ITPRID2: variants seen among roughly 807,000 people sequenced by gnomAD.
The protein encoded by ITPRID2 is ITPR interacting domain containing 2.
In ITPRID2, 60 loss-of-function variants were observed where a neutral mutation model predicts 124.3. That is an observed-to-expected ratio of 0.48 (90% CI 0.39 to 0.60). ITPRID2 has a LOEUF of 0.60. Among genes scored for constraint, ITPRID2 ranks in the 20% least tolerant of loss-of-function variants. ITPRID2 has a pLI of 0.00. For synonymous variants in ITPRID2, 521 were observed against 542.9 expected, an observed-to-expected ratio of 0.96 and a Z score of 0.56; for missense variants, 1,553 against 1,512.2, an observed-to-expected ratio of 1.03 and a Z score of -0.45.
chr2:181,900,330 TA>T (rs1453631339), intron 6 of ITPRID2, among the ~76,000 whole-genome samples: 5 of 152,222 alleles, frequency 3.3e-5, no homozygotes, highest in African/African-American at 1.2e-4. Flanking sequence ...ATTTCTGCTT[TA>T]ATCTGTTCAT....
chr2:181,927,212 T>C (rs1694928150), intron 16 of ITPRID2, among the ~76,000 whole-genome samples: 9 of 152,204 alleles, frequency 5.9e-5, no homozygotes, highest in Admixed American at 5.9e-4. Context: ...CTTAGGAACA[T>C]TGTAGGAAAT....
rs1029024198 is a variant in ITPRID2, at chr2:181,922,425, T to G, written c.3675+13T>G. The G allele has an allele frequency of 1.9e-6, 3 of 1,582,268 alleles. No homozygotes were observed. The highest frequency in any genetic ancestry group is 2.6e-6 in the Non-Finnish European group (3 of 1,163,372). On this transcript the variant is annotated intron_variant, in intron 16 of 17. Coordinates refer to ENST00000431877, the MANE Select transcript of ITPRID2 (RefSeq NM_001130445.3). The stretch of plus-strand genomic sequence containing the variant: ...AGTCATACGGGAGGTGGGTAAAATC[T>G]GTGTTTCATTCATTTATTTGGAGGT...
intron 16 of ITPRID2, among the ~76,000 whole-genome samples, chr2:181,927,126 G>T (rs2125117306): frequency 6.6e-6 from 1 of 152,264 alleles, no homozygotes; most frequent in East Asian, 1.9e-4. Flanking sequence ...TCTATGTATT[G>T]TGTACCAATT....
Position 181,910,119 on chromosome 2 carries a change from T to C in ITPRID2, c.1486+148T>C. The C allele has an allele frequency of 1.7e-6, 1 of 572,766 alleles. No individual in the cohort carries two copies. The highest frequency in any genetic ancestry group is 3.0e-6 in the Non-Finnish European group (1 of 336,880). 35.5% of individuals were successfully genotyped at this position (572,766 alleles called of 1,614,324 possible). ...GGTAGGCATGATTCACTATTGTTTG[T>C]AGAACTTTTTTTGTATTTTTTAAAA... is the stretch of plus-strand genomic sequence containing the variant. On this transcript the variant is annotated intron_variant, in intron 9 of 17. Coordinates refer to ENST00000431877, the MANE Select transcript of ITPRID2 (RefSeq NM_001130445.3). This position sits in a 1 kb window ranked among gnomAD's most constrained non-coding sequence, Gnocchi z 4.1.
At chr2:181,928,483 T>C (rs1019428682) in intron 17 of ITPRID2, among the ~76,000 whole-genome samples, 10 of 152,228 alleles carry the variant, frequency 6.6e-5, no homozygotes, top group Admixed American at 6.5e-4. Flanking sequence ...TCCAAGGAAT[T>C]ACTTATATTG....
Position 181,902,259 on chromosome 2 carries a change from T to C in ITPRID2, c.1206T>C (p.His402=), listed in dbSNP as rs1355327966. The change falls in exon 8 of 18, where the codon CAT becomes CAC. Residue 402 remains histidine, a synonymous_variant. Transcript: ENST00000431877. The surrounding 1 kb of genome is among the most constrained non-coding windows in gnomAD (Gnocchi z 4.4). ...ENEQSKETQS[H]ESKLGEESGI... ...AACAAAGTAAAGAAACTCAAAGTCA[T>C]GAGAGTAAACTGGGTGAGGAATCTG... 1 of 1,612,854 alleles carries C rather than the reference T, an allele frequency of 6.2e-7. No individual in the cohort carries two copies.
chr2:181,906,836 G>A (rs758041554), intron 8 of ITPRID2, among the ~76,000 whole-genome samples: 3 of 152,118 alleles, frequency 2.0e-5, no homozygotes, highest in Non-Finnish European at 4.4e-5. Context: ...TTGAATTCAC[G>A]TTACTTGTGA....
chr2:181,898,763 T>C (rs1254308399), intron 4 of ITPRID2, 117 bp from the exon 5 acceptor site: 2 of 786,234 alleles, frequency 2.5e-6, no homozygotes, highest in South Asian at 1.6e-5. Flanking sequence ...GATAAGTGTT[T>C]AATATATTTG....
intron 8 of ITPRID2, among the ~76,000 whole-genome samples, chr2:181,904,274 G>A (rs990610071): frequency 2.6e-5 from 4 of 151,622 alleles, no homozygotes; most frequent in Admixed American, 6.6e-5. Context: ...TAGCATTGAC[G>A]TGAACATTTT....
chr2:181,918,535 C>G, intron 11 of ITPRID2, 63 bp from the exon 12 acceptor site: 1 of 1,601,500 alleles, frequency 6.2e-7, no homozygotes, highest in Non-Finnish European at 8.5e-7. Context: ...CTTTTAACCC[C>G]TTAAGTGATT....
Position 181,892,264 on chromosome 2 carries a change from A to C in ITPRID2, c.198A>C (p.Ala66=). Residue 66 remains alanine (A), a synonymous_variant, in exon 1 of 18, where the codon GCA becomes GCC. Transcript: ENST00000431877. The surrounding 1 kb of genome is among the most constrained non-coding windows in gnomAD (Gnocchi z 5.2). ...ACCTCCCCGGCGCGCAGCTGCCGGC[A>C]GCGGGGGGAAGAGGTCGGTGCTCCC... The part of the protein sequence containing the change: ...EEDLPGAQLP[A]AGGRGNVPNE... The C allele has an allele frequency of 3.2e-6, 5 of 1,547,782 alleles. No individual in the cohort carries two copies. Among genetic ancestry groups the C allele is most frequent in the Non-Finnish European group, 4.4e-6 (5 of 1,145,832 alleles).
In ITPRID2 at chr2:181,905,788, G is replaced by C. The variant is rs922980897; in HGVS notation, c.1413+3322G>C. On this transcript the variant is annotated intron_variant, in intron 8 of 17. Coordinates refer to ENST00000431877, the MANE Select transcript of ITPRID2 (RefSeq NM_001130445.3). This position sits in a 1 kb window ranked among gnomAD's most constrained non-coding sequence, Gnocchi z 4.1. Reference sequence around the variant, plus strand: ...CTCATTTTTAGCTGTTAAGTTTTAGGATTTTTCTATGTTTATTGGTCTGAG... The same window carrying C: ...CTCATTTTTAGCTGTTAAGTTTTAGCATTTTTCTATGTTTATTGGTCTGAG... 6.6e-6 allele frequency among the ~76,000 whole-genome samples: 1 copy of C among 152,074 alleles called. No individual in the cohort carries two copies. The highest frequency in any genetic ancestry group is 1.5e-5 in the Non-Finnish European group (1 of 68,014).
Position 181,913,894 on chromosome 2 carries a change from T to C in ITPRID2, c.1536T>C (p.Ala512=). Residue 512 remains alanine, a synonymous_variant, in exon 10 of 18, where the codon GCT becomes GCC. Transcript: ENST00000431877. The stretch of plus-strand genomic sequence containing the variant: ...AGCATTCCGATAGCAGTGGTTTTGC[T>C]GAAGATTCTACAGACTGCCTATCCC... ...ASQHSDSSGF[A]EDSTDCLSLN... is the part of the protein sequence containing the mutation. 2 of 1,613,560 alleles carry C rather than the reference T, an allele frequency of 1.2e-6. No homozygotes were observed. Among genetic ancestry groups the C allele is most frequent in the East Asian group, 4.5e-5 (2 of 44,760 alleles).
chr2:181,913,359 G>A (rs1036436933), intron 9 of ITPRID2, among the ~76,000 whole-genome samples: 4 of 152,114 alleles, frequency 2.6e-5, no homozygotes, highest in African/African-American at 7.2e-5. Flanking sequence ...GAGCCACCGC[G>A]CCCAGCCCTA....
Position 181,916,050 on chromosome 2 carries a change from C to G in ITPRID2, c.2410C>G (p.Pro804Ala), listed in dbSNP as rs540962657. The G allele has an allele frequency of 1.9e-6, 3 of 1,614,196 alleles. No individual in the cohort carries two copies. Among genetic ancestry groups the G allele is most frequent in the Non-Finnish European group, 2.5e-6 (3 of 1,180,036 alleles). Residue 804 changes from proline to alanine, a missense_variant, in exon 11 of 18, where the codon CCA becomes GCA. By Grantham distance (27) the Pro-to-Ala change is conservative. Coordinates refer to ENST00000431877, the MANE Select transcript of ITPRID2 (RefSeq NM_001130445.3). ...AGTTAAATCGACCATTTTCATCTCT[C>G]CATCATCTGTGAAGAAAGAAGAAGC... Reference protein sequence around the residue: ...SLVKSTIFISPSSVKKEEAPQ... With the variant: ...SLVKSTIFISASSVKKEEAPQ...
At chr2:181,925,340 T>A (rs774980519) in intron 16 of ITPRID2, among the ~76,000 whole-genome samples, 1 of 152,192 alleles carries the variant, frequency 6.6e-6, no homozygotes, top group African/African-American at 2.4e-5. Context: ...TAGCCTACAT[T>A]TTTTTGGAAA....
chr2:181,927,678 T>TA (rs111263182), intron 16 of ITPRID2, among the ~76,000 whole-genome samples: 15,434 of 152,216 alleles, frequency 0.1, 1,594 homozygotes, highest in African/African-American at 0.26. Flanking sequence ...TGTGTTAGGT[T>TA]GAACAATATG....
rs1693013589 is a variant in ITPRID2 at position 181,905,223 on chromosome 2, G to T, written c.1413+2757G>T. 6.6e-6 allele frequency among the ~76,000 whole-genome samples: 1 copy of T among 151,628 alleles called. No individual in the cohort carries two copies. Among genetic ancestry groups the T allele is most frequent in the African/African-American group, 2.4e-5 (1 of 41,246 alleles). Reference sequence around the variant, plus strand: ...TACCACCACAGCCAGCTAATTTTTTGTATTTTTAGTAGAGATGGGGTTTCA... The same window carrying T: ...TACCACCACAGCCAGCTAATTTTTTTTATTTTTAGTAGAGATGGGGTTTCA... On this transcript the variant is annotated intron_variant, in intron 8 of 17. Coordinates refer to ENST00000431877, the MANE Select transcript of ITPRID2 (RefSeq NM_001130445.3). This position sits in a 1 kb window ranked among gnomAD's most constrained non-coding sequence, Gnocchi z 4.1.
chr2:181,926,357 A>G (rs191528693), intron 16 of ITPRID2, among the ~76,000 whole-genome samples: 1 of 152,196 alleles, frequency 6.6e-6, no homozygotes, highest in East Asian at 1.9e-4. Context: ...ATTCTTTTAT[A>G]CTTTATTCCA....
Sources: gnomAD v4.1 joint callset for allele counts (sites outside exome capture counted in the v4.1 genomes callset) on GRCh38, gnomAD v4.1.1 for gene constraint, Gnocchi (gnomAD v3.1) non-coding constraint, MANE v1.5 for transcripts, NCBI Gene and HGNC (gene_info 2026-07-23, HGNC 2026-07-21) for gene names.